Variants in ZNF317 observed in about 807,000 individuals in gnomAD.
ZNF317 encodes zinc finger protein 317, also known as KRAB-containing zinc finger protein 317.
A neutral mutation model predicts 23.4 loss-of-function variants in ZNF317; 17 were observed. That is an observed-to-expected ratio of 0.73 (90% CI 0.50 to 1.09). ZNF317 has a LOEUF of 1.09. Among genes scored for constraint, ZNF317 ranks in the 50% least tolerant of loss-of-function variants. The pLI is 0.00. For synonymous variants in ZNF317, 317 were observed against 314.9 expected, an observed-to-expected ratio of 1.01 and a Z score of -0.07; for missense variants, 679 against 796.7, an observed-to-expected ratio of 0.85 and a Z score of 1.78.
Position 9,146,390 on chromosome 19 carries a change from C to CTA in ZNF317, c.-93+5808_-93+5809dup, listed in dbSNP as rs1341333287. Among the ~76,000 whole-genome samples, 5 of 148,818 alleles carry CTA rather than the reference C, an allele frequency of 3.4e-5. No homozygotes were observed. The East Asian group carries it at 5.9e-4, about 17-fold the overall frequency. On this transcript the variant is annotated intron_variant, in intron 1 of 6. Coordinates refer to ENST00000247956, the MANE Select transcript of ZNF317 (RefSeq NM_020933.5). ...CCTTTGTTGCCTTCTCTGTCTCTCG[C>CTA]TATATATATATTGTATATATTATTT...
chr19:9,151,271 T>C (rs2050733636), intron 1 of ZNF317, among the ~76,000 whole-genome samples: 2 of 152,206 alleles, frequency 1.3e-5, no homozygotes, highest in Admixed American at 1.3e-4. Flanking sequence ...CATCTTTGAG[T>C]TGGCCCAAGA....
intron 1 of ZNF317, among the ~76,000 whole-genome samples, chr19:9,147,155 A>G (rs1490722496): frequency 1.3e-5 from 2 of 152,128 alleles, no homozygotes; most frequent in African/African-American, 2.4e-5. Context: ...GGCCCTGGTG[A>G]GGAGAAAAAC....
intron 2 of ZNF317, among the ~76,000 whole-genome samples, chr19:9,156,410 C>T (rs976639107): frequency 6.6e-6 from 1 of 152,064 alleles, no homozygotes. Context: ...AGCCCACCAC[C>T]CTCTTTATGT....
At position 9,160,236 on chromosome 19, in the gene ZNF317, C is replaced by G. The variant is rs144830860; in HGVS notation, c.591C>G (p.Arg197=). The part of the protein sequence containing the change: ...RHAGKRPYHR[R]DYGVAFKGRP... Reference sequence around the variant, plus strand: ...CTGGCAAGAGGCCCTATCACCGCCGCGACTATGGGGTAGCGTTCAAGGGCA... The same window carrying G: ...CTGGCAAGAGGCCCTATCACCGCCGGGACTATGGGGTAGCGTTCAAGGGCA... The change falls in exon 7 of 7, where the codon CGC becomes CGG. Residue 197 remains arginine, a synonymous_variant. Coordinates refer to ENST00000247956, the MANE Select transcript of ZNF317 (RefSeq NM_020933.5). The surrounding 1 kb of genome is among the most constrained non-coding windows in gnomAD (Gnocchi z 6.8). 3.1e-6 allele frequency: 5 copies of G among 1,614,130 alleles called. No homozygotes were observed. In the South Asian group the frequency reaches 5.5e-5, roughly 18 times the overall value.
chr19:9,143,682 A>C lies in ZNF317; in HGVS notation c.-93+3090A>C, dbSNP rs549328159. On this transcript the variant is annotated intron_variant, in intron 1 of 6. Transcript: ENST00000247956. ...CACATAGTTATTGAACTGCCTGCTT[A>C]AACTGGATTTGTGAGAGCTCTGGTG... Among the ~76,000 whole-genome samples the C allele has an allele frequency of 6.7e-4, 102 of 151,796 alleles. 4 individuals are homozygous for C. The South Asian group carries it at 0.01, about 15-fold the overall frequency.
At chr19:9,143,632 G>GTGGTTGGATTTTGTAGTTAGGAAA (rs762781253) in intron 1 of ZNF317, among the ~76,000 whole-genome samples, 1 of 151,514 alleles carries the variant, frequency 6.6e-6, no homozygotes, top group African/African-American at 2.4e-5. Context: ...GGCCCCATGA[G>GTGGTTGGATTTTGTAGTTAGGAAA]TGCTGTCTCA....
At position 9,161,095 on chromosome 19, in the gene ZNF317, G is replaced by A. The variant is rs140353330; in HGVS notation, c.1450G>A (p.Gly484Ser). 77 of 1,614,004 alleles carry A rather than the reference G, an allele frequency of 4.8e-5. 1 individual carries two copies. Among genetic ancestry groups the A allele is most frequent in the South Asian group, 2.7e-4 (25 of 91,076 alleles). The stretch of plus-strand genomic sequence containing the variant: ...ATGCGCCGCCTGCGGGAAAGTCTTC[G>A]GTGACTATTTATCCCGGCGGAGGCA... The part of the protein sequence containing the change: ...YECAACGKVF[G>S]DYLSRRRHMS... Residue 484 changes from glycine to serine, a missense_variant, in exon 7 of 7, where the codon GGT becomes AGT. By Grantham distance (56) the Gly-to-Ser change is moderately conservative. Transcript: ENST00000247956. The surrounding 1 kb of genome is among the most constrained non-coding windows in gnomAD (Gnocchi z 4.0).
In ZNF317 at chr19:9,160,184, A is replaced by G. The variant is rs952733447; in HGVS notation, c.539A>G (p.His180Arg). The part of the protein sequence containing the change: ...HLFEVFGMDP[H>R]LTQPMGRHAG... ...TTCGAAGTCTTTGGCATGGACCCTC[A>G]TCTCACTCAGCCAATGGGAAGGCAC... Residue 180 changes from histidine (H) to arginine (R), a missense_variant, in exon 7 of 7, where the codon CAT (histidine) becomes CGT (arginine). Coordinates refer to ENST00000247956, the MANE Select transcript of ZNF317 (RefSeq NM_020933.5). The surrounding 1 kb of genome is among the most constrained non-coding windows in gnomAD (Gnocchi z 6.8). 27 of 1,614,016 alleles carry G rather than the reference A, an allele frequency of 1.7e-5. No homozygotes were observed. The highest frequency in any genetic ancestry group is 1.6e-4 in the Middle Eastern group (1 of 6,084).
At chr19:9,159,981 C>T in intron 6 of ZNF317, 133 bp from the exon 7 acceptor site, 1 of 1,342,942 alleles carries the variant, frequency 7.4e-7, no homozygotes, top group Non-Finnish European at 1.0e-6. Context: ...AGCACGTTTG[C>T]ACGGCAGATG....
intron 1 of ZNF317, among the ~76,000 whole-genome samples, chr19:9,144,082 A>G (rs992791076): frequency 6.6e-6 from 1 of 151,402 alleles, no homozygotes; most frequent in Non-Finnish European, 1.5e-5. Flanking sequence ...GGCTCACTGC[A>G]ACCTCCACCT....
Position 9,161,367 on chromosome 19 carries a change from G to A in ZNF317, c.1722G>A (p.Arg574=). 1.2e-6 allele frequency: 2 copies of A among 1,614,160 alleles called. No homozygotes were observed. ...GKAFSDHSSL[R]SHVKTHRGEK... ...CCTTCAGCGACCACTCATCCCTCAG[G>A]AGCCACGTGAAAACTCACCGGGGAG... Residue 574 remains arginine, a synonymous_variant, in exon 7 of 7, where the codon AGG becomes AGA. Coordinates refer to ENST00000247956, the MANE Select transcript of ZNF317 (RefSeq NM_020933.5). This position sits in a 1 kb window ranked among gnomAD's most constrained non-coding sequence, Gnocchi z 4.0.
At chr19:9,148,452 G>A (rs1343106899) in intron 1 of ZNF317, among the ~76,000 whole-genome samples, 4 of 152,164 alleles carry the variant, frequency 2.6e-5, no homozygotes, top group African/African-American at 7.2e-5. Context: ...AGGGTGTTGG[G>A]CTAAGCCATA....
At position 9,161,193 on chromosome 19, in the gene ZNF317, G is replaced by A. The variant is rs749731597; in HGVS notation, c.1548G>A (p.Thr516=). 1.1e-5 allele frequency: 18 copies of A among 1,613,810 alleles called. No homozygotes were observed. Among genetic ancestry groups the A allele is most frequent in the East Asian group, 2.2e-5 (1 of 44,818 alleles). Residue 516 remains threonine, a synonymous_variant, in exon 7 of 7, where the codon ACG becomes ACA. Transcript: ENST00000247956. This position sits in a 1 kb window ranked among gnomAD's most constrained non-coding sequence, Gnocchi z 4.0. ...GCAAGGCCTTCAGGAACCAGTCAACGCTGAAGACGCACATGCGAAGCCACA... is the reference window on the plus strand; with the variant it reads ...GCAAGGCCTTCAGGAACCAGTCAACACTGAAGACGCACATGCGAAGCCACA... ...QCGKAFRNQS[T]LKTHMRSHTG...
At chr19:9,147,806 T>C (rs899373832) in intron 1 of ZNF317, among the ~76,000 whole-genome samples, 3 of 152,174 alleles carry the variant, frequency 2.0e-5, no homozygotes, top group African/African-American at 7.2e-5. Context: ...TGAGACTCTC[T>C]GATACAGTTT....
intron 1 of ZNF317, among the ~76,000 whole-genome samples, chr19:9,140,820 T>C (rs2050622201): frequency 1.3e-5 from 2 of 152,036 alleles, no homozygotes; most frequent in Admixed American, 1.3e-4. Context: ...CACCTGATCC[T>C]GAAAAGCCCT....
intron 1 of ZNF317, among the ~76,000 whole-genome samples, chr19:9,147,021 G>T (rs983599235): frequency 6.6e-6 from 1 of 152,110 alleles, no homozygotes; most frequent in Non-Finnish European, 1.5e-5. Flanking sequence ...CAAGGGTGAG[G>T]TTTGTGAGTG....
In ZNF317 at chr19:9,153,247, C is replaced by T. The variant is rs188441332; in HGVS notation, c.-92-2678C>T. On this transcript the variant is annotated intron_variant, in intron 1 of 6. Transcript: ENST00000247956. ...CACGATCTCAGCTTACCTCAACCTC[C>T]GCCTCCCGGGTTCAAGCGATTCTCC... Among the ~76,000 whole-genome samples the T allele has an allele frequency of 2.7e-3, 417 of 152,206 alleles. 3 individuals are homozygous for T. Among genetic ancestry groups the T allele is most frequent in the African/African-American group, 9.4e-3 (390 of 41,536 alleles).
At chr19:9,157,699 T>TAAA (rs1428715340) in intron 4 of ZNF317, 6 of 515,050 alleles carry the variant, frequency 1.2e-5, no homozygotes, top group East Asian at 5.2e-5. Context: ...TTTTTTTTTT[T>TAAA]TTTATTTTTG....
chr19:9,147,153 T>C (rs1426264474), intron 1 of ZNF317, among the ~76,000 whole-genome samples: 1 of 151,982 alleles, frequency 6.6e-6, no homozygotes, highest in Non-Finnish European at 1.5e-5. Context: ...CTGGCCCTGG[T>C]GAGGAGAAAA....
Sources: gnomAD v4.1 joint callset for allele counts (sites outside exome capture counted in the v4.1 genomes callset) on GRCh38, gnomAD v4.1.1 for gene constraint, Gnocchi (gnomAD v3.1) non-coding constraint, MANE v1.5 for transcripts, NCBI Gene and HGNC (gene_info 2026-07-23, HGNC 2026-07-21) for gene names.